Variants in COL22A1 observed in about 807,000 individuals in gnomAD.
COL22A1 encodes the protein collagen type XXII alpha 1 chain, also known as collagen alpha-1(XXII) chain.
COL22A1 carries 221 observed loss-of-function variants against 248.9 expected under a neutral mutation model. The ratio of observed to expected loss-of-function variants is 0.89; its 90% confidence interval spans 0.80 to 0.99. COL22A1 has a LOEUF of 0.99. Among genes scored for constraint, COL22A1 ranks in the 50% least tolerant of loss-of-function variants. COL22A1 has a pLI of 0.00. For missense variants in COL22A1, 2,240 were observed against 2,179.0 expected (o/e 1.03, Z -0.56); for synonymous variants, 891 against 793.4 (o/e 1.12, Z -2.07).
chr8:138,602,263 C>T lies in COL22A1; in HGVS notation c.4141-104G>A, dbSNP rs1256119355. Reference sequence around the variant, plus strand: ...GTCCTGCATGCTGAGGACAAGGGACCCTCAAAAGATAAGGTCCCCCGAGGG... The same window carrying T: ...GTCCTGCATGCTGAGGACAAGGGACTCTCAAAAGATAAGGTCCCCCGAGGG... On this transcript the variant is annotated intron_variant, in intron 59 of 64. Transcript: ENST00000303045. The T allele has an allele frequency of 2.2e-6, 3 of 1,340,838 alleles. No individual in the cohort carries two copies. The African/African-American group carries it at 4.3e-5, about 19-fold the overall frequency. 83.1% of individuals were successfully genotyped at this position (1,340,838 alleles called of 1,614,324 possible).
At chr8:138,646,549 C>T in intron 47 of COL22A1, 80 bp downstream of exon 47, 1 of 1,124,468 alleles carries the variant, frequency 8.9e-7, no homozygotes, top group Non-Finnish European at 1.2e-6. Context: ...TTACACTGGC[C>T]ATCACTCTTC....
chr8:138,703,308 T>C lies in COL22A1; in HGVS notation c.2557A>G (p.Thr853Ala). The change falls in exon 31 of 65, where the codon ACT becomes GCT. Residue 853 changes from threonine (T) to alanine (A), a missense_variant and splice_region_variant. Thr to Ala is a moderately conservative substitution (Grantham distance 58). Coordinates refer to ENST00000303045, the MANE Select transcript of COL22A1 (RefSeq NM_152888.3). The stretch of plus-strand genomic sequence containing the variant: ...GAATTAGAAGCGGAGTAACTTACAG[T>C]TCCAGGTAACCCGGGAGGGCCTGCA... ...GPAGPPGLPG[T>A]TSLFTPHPRM... 6.2e-7 allele frequency: 1 copy of C among 1,613,328 alleles called. No individual in the cohort carries two copies. The highest frequency in any genetic ancestry group is 8.5e-7 in the Non-Finnish European group (1 of 1,179,324).
chr8:138,649,515 G>GT (rs1455846176), intron 46 of COL22A1, 150 bp downstream of exon 46: 5 of 1,327,240 alleles, frequency 3.8e-6, no homozygotes, highest in African/African-American at 3.0e-5. Context: ...TTCCATAGCT[G>GT]TATCTCACAA....
At chr8:138,753,500 A>G (rs1832766910) in intron 21 of COL22A1, among the ~76,000 whole-genome samples, 1 of 152,214 alleles carries the variant, frequency 6.6e-6, no homozygotes, top group Non-Finnish European at 1.5e-5. Flanking sequence ...AGGCTAAGAT[A>G]TCCTGAATTT....
rs753473074 is a variant in COL22A1, at chr8:138,807,811, C to G, written c.1451G>C (p.Gly484Ala). The G allele has an allele frequency of 6.2e-7, 1 of 1,613,926 alleles. No homozygotes were observed. The highest frequency in any genetic ancestry group is 1.1e-5 in the South Asian group (1 of 91,074). ...INCSCPAGEK[G>A]EMGVAGPMGL... ...CATGGGGCCAGCAACTCCCATTTCA[C>G]CCTAAAAGAAGAAAGACAACAAAAA... is the stretch of plus-strand genomic sequence containing the variant. The change falls in exon 10 of 65, where the codon GGT becomes GCT. Residue 484 changes from glycine to alanine, a missense_variant and splice_region_variant. Gly to Ala is a moderately conservative substitution (Grantham distance 60). Transcript: ENST00000303045.
chr8:138,810,152 G>A (rs777828385), intron 9 of COL22A1, among the ~76,000 whole-genome samples: 15 of 152,204 alleles, frequency 9.9e-5, no homozygotes, highest in Admixed American at 2.0e-4. Context: ...GGGAGGGAAG[G>A]AGGAAGGAAG....
At chr8:138,863,199 T>C (rs1288983683) in intron 3 of COL22A1, among the ~76,000 whole-genome samples, 2 of 152,190 alleles carry the variant, frequency 1.3e-5, no homozygotes, top group Non-Finnish European at 2.9e-5. Flanking sequence ...TAAGGCCACT[T>C]GTGGCTTCCA....
chr8:138,728,072 G>A (rs1200671285), intron 23 of COL22A1, among the ~76,000 whole-genome samples: 1 of 152,112 alleles, frequency 6.6e-6, no homozygotes, highest in African/African-American at 2.4e-5. Context: ...TTGCTCTGTT[G>A]CCCAGGCTGG....
At chr8:138,901,810 G>T (rs1473769942) in intron 1 of COL22A1, among the ~76,000 whole-genome samples, 1 of 152,084 alleles carries the variant, frequency 6.6e-6, no homozygotes, top group Non-Finnish European at 1.5e-5. Context: ...GGGCTGGCTT[G>T]CACCTACCTC....
At chr8:138,642,779 G>A (rs982928395) in intron 47 of COL22A1, among the ~76,000 whole-genome samples, 7 of 152,032 alleles carry the variant, frequency 4.6e-5, no homozygotes, top group African/African-American at 9.7e-5. Context: ...GCCTGTAATC[G>A]CAGCACTTTG....
chr8:138,632,776 A>G (rs537542170), intron 49 of COL22A1, among the ~76,000 whole-genome samples: 13 of 152,324 alleles, frequency 8.5e-5, no homozygotes, highest in Middle Eastern at 3.4e-3. Context: ...ATGTTCATGA[A>G]ATAAAGGGAG....
chr8:138,821,266 T>C lies in COL22A1; in HGVS notation c.1115A>G (p.Gln372Arg), dbSNP rs1177610893. The C allele has an allele frequency of 6.2e-7, 1 of 1,614,216 alleles. No individual in the cohort carries two copies. The highest frequency in any genetic ancestry group is 1.1e-5 in the South Asian group (1 of 91,082). ...RDWHKMALSI[Q>R]AQNVSLHIDC... ...AATGTGCAGGGAGACGTTCTGGGCCTGGATGCTCAGGGCCATCTTGTGCCA... is the reference window on the plus strand; with the variant it reads ...AATGTGCAGGGAGACGTTCTGGGCCCGGATGCTCAGGGCCATCTTGTGCCA... Residue 372 changes from glutamine (Q) to arginine (R), a missense_variant, in exon 7 of 65, where the codon CAG (glutamine) becomes CGG (arginine). Transcript: ENST00000303045.
At chr8:138,709,906 C>T (rs117227693) in intron 30 of COL22A1, among the ~76,000 whole-genome samples, 2,528 of 152,270 alleles carry the variant, frequency 0.017, 22 homozygotes, top group Middle Eastern at 0.031. Flanking sequence ...CACACACATG[C>T]CCTGAGCACA....
At chr8:138,735,073 C>G (rs1234678251) in intron 23 of COL22A1, among the ~76,000 whole-genome samples, 1 of 152,134 alleles carries the variant, frequency 6.6e-6, no homozygotes, top group East Asian at 1.9e-4. Flanking sequence ...GCATGTGGGA[C>G]TTAAAACCTA....
chr8:138,807,673 G>A lies in COL22A1; in HGVS notation c.1494+95C>T, dbSNP rs1817842361. The stretch of plus-strand genomic sequence containing the variant: ...AGCTCTGAGGCAAAATATTAGCAAG[G>A]CAGCATCCCCACACACCATCTTTTG... On this transcript the variant is annotated intron_variant, in intron 10 of 64. Transcript: ENST00000303045. The A allele has an allele frequency of 2.6e-6, 3 of 1,153,768 alleles. No homozygotes were observed. The East Asian group carries it at 7.4e-5, about 28-fold the overall frequency. The allele number at this position is 1,153,768 out of a possible 1,614,324, so 71.5% of individuals were successfully genotyped here. A position where few individuals can be genotyped will look rare whatever the true frequency, so the allele number is the denominator to read the frequency against.
At chr8:138,650,723 TAGAC>T (rs1386916241) in intron 45 of COL22A1, among the ~76,000 whole-genome samples, 2 of 147,860 alleles carry the variant, frequency 1.4e-5, no homozygotes, top group Non-Finnish European at 3.0e-5. Context: ...GATAGACAGA[TAGAC>T]AGATACACAG....
At chr8:138,754,266 A>ACAG (rs750762130) in intron 21 of COL22A1, among the ~76,000 whole-genome samples, 3 of 4,344 alleles carry the variant, frequency 6.9e-4, no homozygotes, top group African/African-American at 1.3e-3. Context: ...CTCAACAGTT[A>ACAG]CAATTGTGGG....
chr8:138,896,020 G>T (rs4736215), intron 1 of COL22A1, among the ~76,000 whole-genome samples: 31,656 of 152,030 alleles, frequency 0.21, 3,604 homozygotes, highest in African/African-American at 0.3. Flanking sequence ...CGCTGAAAGA[G>T]AACTGTCAAC....
intron 38 of COL22A1, among the ~76,000 whole-genome samples, chr8:138,684,677 T>C (rs879306552): frequency 1.1e-4 from 17 of 152,208 alleles, no homozygotes; most frequent in Non-Finnish European, 1.9e-4. Flanking sequence ...ACTGTCTCTG[T>C]GTGGCCTTCA....
Sources: allele counts gnomAD v4.1 joint callset (sites outside exome capture counted in the v4.1 genomes callset), GRCh38; gene constraint gnomAD v4.1.1; transcripts MANE v1.5; gene names NCBI Gene and HGNC (gene_info 2026-07-23, HGNC 2026-07-21).